Variants in PIK3C2G observed in about 807,000 individuals in gnomAD.
PIK3C2G encodes phosphatidylinositol-4-phosphate 3-kinase catalytic subunit type 2 gamma, also known as phosphatidylinositol 3-kinase C2 domain-containing subunit gamma.
In PIK3C2G, 168 loss-of-function variants were observed where a neutral mutation model predicts 181.1. That is an observed-to-expected ratio of 0.93 (90% CI 0.82 to 1.05). PIK3C2G has a LOEUF of 1.05. Ranked by LOEUF, PIK3C2G falls within the 50% of genes least tolerant of loss-of-function variation. PIK3C2G has a pLI of 0.00. For synonymous variants in PIK3C2G, 573 were observed against 592.2 expected (o/e 0.97, Z 0.47); for missense variants, 1,869 against 1,732.8 (o/e 1.08, Z -1.40).
At chr12:18,572,504 T>G (rs1946007677) in intron 29 of PIK3C2G, among the ~76,000 whole-genome samples, 1 of 151,228 alleles carries the variant, frequency 6.6e-6, no homozygotes, top group Admixed American at 6.6e-5. Context: ...ATAAATATAA[T>G]CTGCTGATAC....
At chr12:18,413,116 C>G (rs1188263296) in intron 16 of PIK3C2G, among the ~76,000 whole-genome samples, 3 of 151,880 alleles carry the variant, frequency 2.0e-5, no homozygotes, top group African/African-American at 7.3e-5. Flanking sequence ...TTTTCTTTGT[C>G]TCTCAGTGTC....
intron 25 of PIK3C2G, among the ~76,000 whole-genome samples, chr12:18,542,053 C>T (rs548314375): frequency 2.8e-4 from 42 of 151,706 alleles, no homozygotes; most frequent in Non-Finnish European, 3.7e-4. Flanking sequence ...GGCAAGGGAA[C>T]GAGTAAGTAT....
chr12:18,675,721 A>T, the PIK3C2G span, among the ~76,000 whole-genome samples: 1 of 152,180 alleles, frequency 6.6e-6, no homozygotes, highest in African/African-American at 2.4e-5. Context: ...TATCTTTTGC[A>T]GCAACATGGA....
At chr12:18,592,051 A>G (rs1947111257) in intron 29 of PIK3C2G, among the ~76,000 whole-genome samples, 1 of 151,830 alleles carries the variant, frequency 6.6e-6, no homozygotes, top group Non-Finnish European at 1.5e-5. Flanking sequence ...AGGTGAAGGA[A>G]AGGAAAAACT....
chr12:18,553,161 G>A (rs1217389366), intron 26 of PIK3C2G, among the ~76,000 whole-genome samples: 4 of 151,928 alleles, frequency 2.6e-5, no homozygotes, highest in Admixed American at 6.6e-5. Context: ...GGCTACAATC[G>A]TTTACTATTT....
intron 8 of PIK3C2G, among the ~76,000 whole-genome samples, chr12:18,331,765 C>T (rs890470164): frequency 2.0e-5 from 3 of 151,982 alleles, no homozygotes; most frequent in Admixed American, 2.0e-4. Context: ...AGTCTTTTAT[C>T]ATTAAGTGTA....
At chr12:18,432,907 G>C (rs1027359437) in intron 18 of PIK3C2G, among the ~76,000 whole-genome samples, 1 of 151,766 alleles carries the variant, frequency 6.6e-6, no homozygotes, top group Non-Finnish European at 1.5e-5. Context: ...TTTCAAAAAA[G>C]GGTAATTTGA....
At chr12:18,321,452 T>C (rs1348358570) in intron 7 of PIK3C2G, among the ~76,000 whole-genome samples, 1 of 152,198 alleles carries the variant, frequency 6.6e-6, no homozygotes, top group Non-Finnish European at 1.5e-5. Context: ...TAAATTCAAA[T>C]TGGAAAACTT....
upstream of PIK3C2G, among the ~76,000 whole-genome samples, chr12:18,259,759 G>C (rs1300180899): frequency 6.6e-6 from 1 of 151,906 alleles, no homozygotes; most frequent in East Asian, 1.9e-4. Context: ...CGTAAACATT[G>C]ATTTTTAAAT....
chr12:18,692,724 A>G, the PIK3C2G span: 1 of 851,070 alleles, frequency 1.2e-6, no homozygotes, highest in Non-Finnish European at 1.9e-6. Context: ...TCATCAACAT[A>G]AAGAAAAAAT....
chr12:18,244,904 G>A (rs1475117987), upstream of PIK3C2G, among the ~76,000 whole-genome samples: 7 of 152,064 alleles, frequency 4.6e-5, no homozygotes, highest in Admixed American at 4.6e-4. Flanking sequence ...AATATTATTT[G>A]TGAAGTCAAA....
chr12:18,322,558 A>G (rs1386737694), intron 7 of PIK3C2G, among the ~76,000 whole-genome samples: 2 of 152,112 alleles, frequency 1.3e-5, no homozygotes, highest in African/African-American at 4.8e-5. Context: ...CTGTGATAGT[A>G]TATATTATCC....
At chr12:18,323,086 C>T (rs1448331571) in intron 7 of PIK3C2G, among the ~76,000 whole-genome samples, 1 of 152,176 alleles carries the variant, frequency 6.6e-6, no homozygotes, top group African/African-American at 2.4e-5. Context: ...CAAGCCAAGG[C>T]TGTGAGAAGA....
intron 25 of PIK3C2G, among the ~76,000 whole-genome samples, chr12:18,544,849 G>T (rs147645380): frequency 6.6e-6 from 1 of 151,858 alleles, no homozygotes; most frequent in East Asian, 2.0e-4. Context: ...TATAGCATGT[G>T]CTTTGGACCC....
chr12:18,398,609 T>G (rs1011426857), intron 15 of PIK3C2G, among the ~76,000 whole-genome samples: 2 of 152,182 alleles, frequency 1.3e-5, no homozygotes, highest in African/African-American at 4.8e-5. Context: ...AATTGAACTG[T>G]GGTTCTGAAT....
chr12:18,596,159 T>C lies in PIK3C2G; in HGVS notation c.4087+1590T>C, dbSNP rs560449526. Among the ~76,000 whole-genome samples the C allele has an allele frequency of 8.5e-5, 13 of 152,230 alleles. No homozygotes were observed. In the South Asian group the frequency reaches 2.5e-3, roughly 29 times the overall value. ...TTCTCTATCAAGGTAGCATGGCATT[T>C]GTAAAATAATTTTTGATTTTGGTTT... On this transcript the variant is annotated intron_variant, in intron 30 of 32. Transcript: ENST00000538779.
upstream of PIK3C2G, among the ~76,000 whole-genome samples, chr12:18,243,840 AAAAAACAGAAG>A (rs1341333271): frequency 6.6e-6 from 1 of 152,006 alleles, no homozygotes; most frequent in African/African-American, 2.4e-5. Context: ...TACAACAGAA[AAAAAACAGAAG>A]ACTTTTTAAA....
In PIK3C2G at chr12:18,290,841, CAT is replaced by C. The variant is rs1417720836; in HGVS notation, c.762-11_762-10del. 30 of 1,556,658 alleles carry C rather than the reference CAT, an allele frequency of 1.9e-5. No homozygotes were observed. The highest frequency in any genetic ancestry group is 9.0e-5 in the East Asian group (4 of 44,412). ...GTCTTGTCCTAAGTATTTTTCTTAA[CAT>C]ATGTTTTTCAGAATCAGAGAAAGAT... On this transcript the variant is annotated splice_polypyrimidine_tract_variant and intron_variant, in intron 3 of 32. Transcript: ENST00000538779.
At chr12:18,327,523 T>C (rs1304362139) in intron 8 of PIK3C2G, among the ~76,000 whole-genome samples, 2 of 152,094 alleles carry the variant, frequency 1.3e-5, no homozygotes, top group African/African-American at 4.8e-5. Context: ...CAACATATTT[T>C]AGATGATAAC....
Sources: allele counts gnomAD v4.1 joint callset (sites outside exome capture counted in the v4.1 genomes callset), GRCh38; gene constraint gnomAD v4.1.1; transcripts MANE v1.5; gene names NCBI Gene and HGNC (gene_info 2026-07-23, HGNC 2026-07-21).